The following TBC1D5 variants were observed in gnomAD, a reference collection of about 807,000 sequenced individuals.
TBC1D5 encodes TBC1 domain family, member 5.
In TBC1D5, 75 loss-of-function variants were observed where a neutral mutation model predicts 100.3. That is an observed-to-expected ratio of 0.75 (90% confidence interval 0.62 to 0.91). The LOEUF (loss-of-function observed/expected upper bound fraction) is 0.91. Ranked by LOEUF, TBC1D5 falls within the 40% of genes least tolerant of loss-of-function variation. The pLI is 0.00. For missense variants in TBC1D5, 910 were observed against 942.4 expected, an observed-to-expected ratio of 0.97 and a Z score of 0.45; for synonymous variants, 323 against 325.6, an observed-to-expected ratio of 0.99 and a Z score of 0.09.
chr3:17,224,720 T>C (rs2074660708), intron 17 of TBC1D5, among the ~76,000 whole-genome samples: 1 of 152,228 alleles, frequency 6.6e-6, no homozygotes, highest in East Asian at 1.9e-4. Context: ...GCTTATCAAT[T>C]CTTTACTGTA....
intron 3 of TBC1D5, among the ~76,000 whole-genome samples, chr3:17,431,514 A>G (rs2094447430): frequency 6.6e-6 from 1 of 151,972 alleles, no homozygotes; most frequent in Admixed American, 6.6e-5. Flanking sequence ...AATAAATAAC[A>G]TATGTGTAAC....
intron 7 of TBC1D5, 104 bp downstream of exon 7, chr3:17,404,590 C>G: frequency 9.8e-7 from 1 of 1,018,248 alleles, no homozygotes; most frequent in Non-Finnish European, 1.4e-6. Flanking sequence ...ATAAAGAAAA[C>G]AGTTAGCATG....
chr3:17,594,821 G>A (rs2060461872), intron 2 of TBC1D5, among the ~76,000 whole-genome samples: 1 of 152,086 alleles, frequency 6.6e-6, no homozygotes, highest in Admixed American at 6.6e-5. Context: ...AGATGCGAAT[G>A]GGTTCCAATT....
intron 1 of TBC1D5, among the ~76,000 whole-genome samples, chr3:17,636,481 T>C (rs1049273903): frequency 2.6e-5 from 4 of 152,060 alleles, no homozygotes; most frequent in African/African-American, 9.7e-5. Context: ...AAATATGTTA[T>C]TTAAAGCTAT....
chr3:17,613,409 G>T lies in TBC1D5; in HGVS notation c.-36+10440C>A, dbSNP rs573365519. Among the ~76,000 whole-genome samples the T allele has an allele frequency of 2.2e-4, 33 of 152,308 alleles. No homozygotes were observed. In the South Asian group the frequency reaches 5.6e-3, roughly 26 times the overall value. On this transcript the variant is annotated intron_variant, in intron 2 of 21. Transcript: ENST00000253692. The stretch of plus-strand genomic sequence containing the variant: ...CCTTTGGGTATATACCCAGTAATGG[G>T]ATTGCTAGGTCAAATAGTATTTCTA...
intron 1 of TBC1D5, among the ~76,000 whole-genome samples, chr3:17,676,234 T>C (rs1353734709): frequency 6.6e-6 from 1 of 152,196 alleles, no homozygotes; most frequent in African/African-American, 2.4e-5. Context: ...GTACTGTTGT[T>C]ATCTATTATC....
At chr3:17,675,848 G>T (rs9869999) in intron 1 of TBC1D5, among the ~76,000 whole-genome samples, 106,667 of 151,984 alleles carry the variant, frequency 0.7, 37,860 homozygotes, top group East Asian at 0.99. Flanking sequence ...ATTATTTTAC[G>T]ATTTGGAATG....
chr3:17,345,326 T>C (rs1043929195), intron 13 of TBC1D5, among the ~76,000 whole-genome samples: 3 of 152,240 alleles, frequency 2.0e-5, no homozygotes, highest in Non-Finnish European at 4.4e-5. Context: ...AAAATGCTCA[T>C]CATCACTGGC....
intron 15 of TBC1D5, among the ~76,000 whole-genome samples, chr3:17,284,648 G>A (rs1263675259): frequency 6.6e-6 from 1 of 152,130 alleles, no homozygotes; most frequent in African/African-American, 2.4e-5. Flanking sequence ...AAACCTTAAA[G>A]TATTTTGAGA....
chr3:17,475,103 T>C (rs746495567), intron 3 of TBC1D5, among the ~76,000 whole-genome samples: 4 of 152,118 alleles, frequency 2.6e-5, no homozygotes, highest in African/African-American at 7.2e-5. Context: ...GTCTGAATTT[T>C]TGGATATTAA....
rs1368811066 is a variant in TBC1D5 at position 17,372,213 on chromosome 3, G to A, written c.857C>T (p.Ala286Val). The change falls in exon 13 of 22, where the codon GCT becomes GTT. Residue 286 changes from alanine (A) to valine (V), a missense_variant. Physicochemically the swap from Ala to Val is moderately conservative, Grantham distance 64. Coordinates refer to ENST00000253692, the Ensembl canonical transcript of TBC1D5. ...TGTTGGCCCTAAATCTTGTGGTCTAGCAAAGGGAATGGGAGTCATCAGTGT... is the reference window on the plus strand; with the variant it reads ...TGTTGGCCCTAAATCTTGTGGTCTAACAAAGGGAATGGGAGTCATCAGTGT... 8 of 1,613,426 alleles carry A rather than the reference G, an allele frequency of 5.0e-6. No homozygotes were observed. In the South Asian group the frequency reaches 8.8e-5, roughly 18 times the overall value.
chr3:17,574,861 G>C (rs929105491), intron 2 of TBC1D5, among the ~76,000 whole-genome samples: 4 of 151,964 alleles, frequency 2.6e-5, no homozygotes, highest in African/African-American at 9.7e-5. Flanking sequence ...AACCCTACTG[G>C]CTTCCATATC....
At chr3:17,254,637 T>C (rs2077470161) in intron 16 of TBC1D5, among the ~76,000 whole-genome samples, 1 of 152,132 alleles carries the variant, frequency 6.6e-6, no homozygotes, top group East Asian at 1.9e-4. Context: ...CCTGTTCTTT[T>C]TCTTAATGGC....
At chr3:17,192,042 T>C (rs2069983857) in intron 18 of TBC1D5, among the ~76,000 whole-genome samples, 1 of 152,068 alleles carries the variant, frequency 6.6e-6, no homozygotes, top group Admixed American at 6.6e-5. Context: ...AAAAAATATA[T>C]ATATATGCAT....
chr3:17,528,821 A>G (rs1338826327), intron 2 of TBC1D5, among the ~76,000 whole-genome samples: 1 of 152,220 alleles, frequency 6.6e-6, no homozygotes, highest in African/African-American at 2.4e-5. Context: ...AATATTTGAA[A>G]ATACATTAAA....
intron 1 of TBC1D5, among the ~76,000 whole-genome samples, chr3:17,735,304 T>C (rs1180154700): frequency 6.6e-6 from 1 of 152,166 alleles, no homozygotes; most frequent in Non-Finnish European, 1.5e-5. Context: ...TACAATGAAA[T>C]AGTATGGGGC....
chr3:17,259,910 C>T (rs1351579364), intron 15 of TBC1D5, among the ~76,000 whole-genome samples: 1 of 152,162 alleles, frequency 6.6e-6, no homozygotes, highest in East Asian at 1.9e-4. Flanking sequence ...TGATTTAGCT[C>T]CAGCTACTAC....
intron 17 of TBC1D5, among the ~76,000 whole-genome samples, chr3:17,228,408 G>C (rs927327173): frequency 7.2e-5 from 11 of 152,208 alleles, no homozygotes; most frequent in Non-Finnish European, 1.5e-4. Context: ...TCTAGTGGAA[G>C]GCATAGAGAT....
intron 2 of TBC1D5, among the ~76,000 whole-genome samples, chr3:17,571,668 T>G (rs560405055): frequency 7.9e-5 from 12 of 152,094 alleles, no homozygotes; most frequent in African/African-American, 2.9e-4. Flanking sequence ...ACTCACAATC[T>G]CACACACCTT....
Sources: gnomAD v4.1 joint callset for allele counts (sites outside exome capture counted in the v4.1 genomes callset) on GRCh38, gnomAD v4.1.1 for gene constraint, MANE v1.5 for transcripts, NCBI Gene and HGNC (gene_info 2026-07-23, HGNC 2026-07-21) for gene names.